SPTBN4: variants seen among roughly 807,000 people sequenced by gnomAD.
SPTBN4 encodes spectrin beta chain, non-erythrocytic 4.
Under a neutral mutation model 277.8 loss-of-function variants are expected in SPTBN4, and 96 were observed. The ratio of observed to expected loss-of-function variants is 0.35; its 90% CI spans 0.29 to 0.41. The LOEUF (loss-of-function observed/expected upper bound fraction) is 0.41, where lower values mean the gene tolerates loss of function less well. Ranked by LOEUF, SPTBN4 falls within the 10% of genes least tolerant of loss-of-function variation. The probability of loss-of-function intolerance (pLI) is 1.00; values close to 1 mark genes in which losing one functional copy is unlikely to be tolerated. For missense variants in SPTBN4, 3,006 were observed against 3,595.7 expected (o/e 0.84, Z 4.19); for synonymous variants, 1,481 against 1,580.3 (o/e 0.94, Z 1.49).
chr19:40,527,522 G>A (rs1370700568), intron 17 of SPTBN4, among the ~76,000 whole-genome samples: 2 of 152,216 alleles, frequency 1.3e-5, no homozygotes, highest in African/African-American at 4.8e-5. Context: ...GAAAATTAAA[G>A]AAGGGAAGAA....
At chr19:40,523,255 T>C (rs1336473579) in intron 16 of SPTBN4, among the ~76,000 whole-genome samples, 182 bp from the exon 17 acceptor site, 1 of 152,168 alleles carries the variant, frequency 6.6e-6, no homozygotes, top group African/African-American at 2.4e-5. Context: ...CATGGGGGTA[T>C]CTGGAGGGAC....
intron 6 of SPTBN4, among the ~76,000 whole-genome samples, chr19:40,496,417 T>G (rs1402016930): frequency 1.3e-5 from 2 of 152,136 alleles, no homozygotes; most frequent in Non-Finnish European, 2.9e-5. Flanking sequence ...CCCAAGTAGC[T>G]GGGATTACAG....
intron 27 of SPTBN4, among the ~76,000 whole-genome samples, chr19:40,563,431 C>T (rs901155603): frequency 1.3e-4 from 19 of 151,856 alleles, no homozygotes; most frequent in Admixed American, 1.2e-3. Context: ...TTATATAACA[C>T]GAGCCACAAA....
chr19:40,511,224 C>A (rs558324404), intron 13 of SPTBN4, among the ~76,000 whole-genome samples: 1 of 146,736 alleles, frequency 6.8e-6, no homozygotes, highest in African/African-American at 2.6e-5. Flanking sequence ...GCCAACATAG[C>A]GAAACCCCAT....
intron 17 of SPTBN4, among the ~76,000 whole-genome samples, chr19:40,527,915 G>T (rs935065359): frequency 3.3e-5 from 5 of 152,104 alleles, no homozygotes; most frequent in Non-Finnish European, 7.4e-5. Context: ...AATTAGCCAG[G>T]CCTGGTGGTG....
At chr19:40,536,204 CCCTT>C (rs200101225) in intron 20 of SPTBN4, among the ~76,000 whole-genome samples, 2 of 151,488 alleles carry the variant, frequency 1.3e-5, no homozygotes, top group Non-Finnish European at 2.9e-5. Context: ...CTTTTCCCCT[CCCTT>C]CCTTCCTTCC....
In SPTBN4 at chr19:40,532,671, C is replaced by A; in HGVS notation, c.3995C>A (p.Thr1332Lys). The part of the protein sequence containing the change: ...HEKMLMARDG[T>K]REDNHKLHKR... The stretch of plus-strand genomic sequence containing the variant: ...AAGATGCTGATGGCGCGGGATGGCA[C>A]GCGGGAGGACAACCACAAGCTGCAT... The change falls in exon 19 of 36, where the codon ACG becomes AAG. Residue 1332 changes from threonine (T) to lysine (K), a missense_variant. This residue lies in a region of SPTBN4 where 1,759 missense variants were observed against 2,061.5 expected (regional missense o/e 0.85). Coordinates refer to ENST00000598249, the MANE Select transcript of SPTBN4 (RefSeq NM_020971.3). The A allele has an allele frequency of 1.9e-6, 3 of 1,613,446 alleles. No individual in the cohort carries two copies. The highest frequency in any genetic ancestry group is 2.5e-6 in the Non-Finnish European group (3 of 1,179,644).
Position 40,570,539 on chromosome 19 carries a change from G to T in SPTBN4, c.7130G>T (p.Arg2377Leu), listed in dbSNP as rs2145959816. The change falls in exon 33 of 36, where the codon CGG (arginine) becomes CTG (leucine). Residue 2377 changes from arginine (R) to leucine (L), a missense_variant. Arg to Leu is a moderately radical substitution (Grantham distance 102). Around this residue, in one of 5 missense-constraint regions of SPTBN4, gnomAD observed 630 missense variants for 677.6 expected, o/e 0.93. Transcript: ENST00000598249. ...PRPDRPRARD[R>L]PKPRRRPRPR... Reference sequence around the variant, plus strand: ...CCGGACCGGCCCCGGGCGCGGGACCGGCCCAAGCCGCGACGGCGGCCGCGG... The same window carrying T: ...CCGGACCGGCCCCGGGCGCGGGACCTGCCCAAGCCGCGACGGCGGCCGCGG... 7.4e-7 allele frequency: 1 copy of T among 1,359,078 alleles called. No individual in the cohort carries two copies. The highest frequency in any genetic ancestry group is 3.1e-5 in the East Asian group (1 of 32,548). 84.2% of individuals were successfully genotyped at this position (1,359,078 alleles called of 1,614,324 possible). A position where few individuals can be genotyped will look rare whatever the true frequency, so the allele number is the denominator to read the frequency against.
At chr19:40,528,366 C>T (rs1024663853) in intron 17 of SPTBN4, among the ~76,000 whole-genome samples, 6 of 152,352 alleles carry the variant, frequency 3.9e-5, no homozygotes, top group Non-Finnish European at 8.8e-5. Context: ...CCAAGGGCCT[C>T]GCTCTGCCTG....
At chr19:40,516,986 T>C (rs2080468203) in intron 15 of SPTBN4, among the ~76,000 whole-genome samples, 1 of 152,214 alleles carries the variant, frequency 6.6e-6, no homozygotes, top group African/African-American at 2.4e-5. Context: ...CTACCAGCAA[T>C]TCTCCCAGTG....
intron 17 of SPTBN4, among the ~76,000 whole-genome samples, chr19:40,524,239 T>C (rs2080563173): frequency 6.6e-6 from 1 of 152,008 alleles, no homozygotes; most frequent in South Asian, 2.1e-4. Flanking sequence ...GTGCAGTGAC[T>C]CATGCCTGTA....
chr19:40,554,446 C>A lies in SPTBN4; in HGVS notation c.4953+21C>A. The A allele has an allele frequency of 6.5e-7, 1 of 1,532,000 alleles. No individual in the cohort carries two copies. The highest frequency in any genetic ancestry group is 8.8e-7 in the Non-Finnish European group (1 of 1,135,810). 94.9% of individuals were successfully genotyped at this position (1,532,000 alleles called of 1,614,324 possible). A position where few individuals can be genotyped will look rare whatever the true frequency, so the allele number is the denominator to read the frequency against. ...GCAAGGTGCGCCCGAGCTGGGGGTG[C>A]GGAGGGCCTGGGGGCGCTGGAGCCG... On this transcript the variant is annotated intron_variant, in intron 23 of 35. Transcript: ENST00000598249. This position sits in a 1 kb window ranked among gnomAD's most constrained non-coding sequence, Gnocchi z 5.7.
chr19:40,534,857 C>T (rs2080717276), intron 20 of SPTBN4: 1 of 163,360 alleles, frequency 6.1e-6, no homozygotes, highest in Non-Finnish European at 1.4e-5. Flanking sequence ...TAACCAGTGT[C>T]TCCTTTATGA....
chr19:40,479,564 C>T (rs1171583742), intron 2 of SPTBN4, among the ~76,000 whole-genome samples: 2 of 151,702 alleles, frequency 1.3e-5, no homozygotes, highest in African/African-American at 2.4e-5. Context: ...ACCTCGACCT[C>T]CCAAAGTGTT....
At chr19:40,566,043 A>T in intron 29 of SPTBN4, 120 bp from the exon 30 acceptor site, 1 of 1,054,488 alleles carries the variant, frequency 9.5e-7, no homozygotes. Context: ...TGCAGAGCCC[A>T]GGATGGTCAG....
chr19:40,557,289 G>A lies in SPTBN4; in HGVS notation c.5556G>A (p.Glu1852=), dbSNP rs747522371. ...DARELQGQIE[E]KRRRLPRLTT... ...GAGAGCTTCAGGGACAGATTGAGGA[G>A]AAGCGGAGGCGGCTGCCCCGCCTGA... Residue 1852 remains glutamate, a synonymous_variant, in exon 26 of 36, where the codon GAG becomes GAA. Transcript: ENST00000598249. 1 of 1,613,660 alleles carries A rather than the reference G, an allele frequency of 6.2e-7. No homozygotes were observed. The highest frequency in any genetic ancestry group is 1.1e-5 in the South Asian group (1 of 91,042).
Position 40,560,116 on chromosome 19 carries a change from G to A in SPTBN4, c.5671-43G>A. 1 of 1,543,714 alleles carries A rather than the reference G, an allele frequency of 6.5e-7. No individual in the cohort carries two copies. Among genetic ancestry groups the A allele is most frequent in the Non-Finnish European group, 8.7e-7 (1 of 1,151,404 alleles). Reference sequence around the variant, plus strand: ...GATGGTGGGAGGGAGGGCACAGCCTGGGCCCCGTGGAGGGCTGGCGCCCGA... The same window carrying A: ...GATGGTGGGAGGGAGGGCACAGCCTAGGCCCCGTGGAGGGCTGGCGCCCGA... On this transcript the variant is annotated intron_variant, in intron 26 of 35. Transcript: ENST00000598249. The surrounding 1 kb of genome is among the most constrained non-coding windows in gnomAD (Gnocchi z 5.2).
Position 40,572,155 on chromosome 19 carries a change from A to G in SPTBN4, c.7456A>G (p.Ser2486Gly). The G allele has an allele frequency of 6.2e-7, 1 of 1,607,190 alleles. No homozygotes were observed. Among genetic ancestry groups the G allele is most frequent in the Non-Finnish European group, 8.5e-7 (1 of 1,176,052 alleles). ...GCACAAGGCCACCAGCGAGGTGGCT[A>G]GTGACTACAAGAAAAAGAAGCATGT... ...SLHKATSEVA[S>G]DYKKKKHVFK... Residue 2486 changes from serine to glycine, a missense_variant, in exon 34 of 36, where the codon AGT becomes GGT. Physicochemically the swap from Ser to Gly is moderately conservative, Grantham distance 56. Around this residue, in one of 5 missense-constraint regions of SPTBN4, gnomAD observed 630 missense variants for 677.6 expected, o/e 0.93. Transcript: ENST00000598249.
At chr19:40,516,470 T>C (rs1366043617) in intron 15 of SPTBN4, among the ~76,000 whole-genome samples, 1 of 151,948 alleles carries the variant, frequency 6.6e-6, no homozygotes, top group Admixed American at 6.6e-5. Flanking sequence ...GCCCAGCTAA[T>C]TAAAAAAAAT....
Sources: gnomAD v4.1 joint callset for allele counts (sites outside exome capture counted in the v4.1 genomes callset) on GRCh38, gnomAD v4.1.1 for gene constraint, gnomAD v4.1.1 regional missense constraint, Gnocchi (gnomAD v3.1) non-coding constraint, MANE v1.5 for transcripts, NCBI Gene and HGNC (gene_info 2026-07-23, HGNC 2026-07-21) for gene names.